The following PTPRN2 variants were observed in gnomAD, a reference collection of about 807,000 sequenced individuals.
The protein encoded by PTPRN2 is protein tyrosine phosphatase receptor type N2.
PTPRN2 carries 74 observed loss-of-function variants against 118.8 expected under a neutral mutation model. That is an observed-to-expected ratio of 0.62 (90% confidence interval 0.52 to 0.76). The LOEUF is 0.76. Ranked by LOEUF, PTPRN2 falls within the 30% of genes least tolerant of loss-of-function variation. The pLI is 0.00. For missense variants in PTPRN2, 1,481 were observed against 1,394.4 expected (o/e 1.06, Z -0.99); for synonymous variants, 641 against 608.0 (o/e 1.05, Z -0.80).
intron 3 of PTPRN2, among the ~76,000 whole-genome samples, chr7:158,255,684 G>A (rs1384830492): frequency 2.6e-5 from 4 of 152,062 alleles, no homozygotes; most frequent in East Asian, 1.9e-4. Flanking sequence ...CTCCATTCCC[G>A]CTGGGGCTGT....
chr7:158,006,552 C>A (rs1805643935), intron 11 of PTPRN2, among the ~76,000 whole-genome samples: 1 of 152,230 alleles, frequency 6.6e-6, no homozygotes, highest in African/African-American at 2.4e-5. Flanking sequence ...GCCCGGGATG[C>A]AGACACACTT....
intron 12 of PTPRN2, among the ~76,000 whole-genome samples, chr7:157,796,038 G>A (rs1301562450): frequency 2.0e-5 from 3 of 152,198 alleles, no homozygotes; most frequent in African/African-American, 7.2e-5. Context: ...AAAATGGCCC[G>A]CCCCGTGAAA....
intron 2 of PTPRN2, among the ~76,000 whole-genome samples, chr7:158,386,319 C>T (rs1302313026): frequency 1.7e-4 from 20 of 119,236 alleles, no homozygotes; most frequent in African/African-American, 4.3e-4. Context: ...TCCCTCCTCC[C>T]GTGCCGAGTC....
chr7:157,544,865 G>A (rs985305569), intron 22 of PTPRN2, among the ~76,000 whole-genome samples: 8 of 151,932 alleles, frequency 5.3e-5, no homozygotes, highest in Admixed American at 3.3e-4. Context: ...GCAGCTGTGT[G>A]TGGATGTGCA....
intron 11 of PTPRN2, among the ~76,000 whole-genome samples, chr7:158,006,991 C>T (rs1805673204): frequency 6.6e-6 from 1 of 152,160 alleles, no homozygotes; most frequent in South Asian, 2.1e-4. Context: ...TGTACTCCGT[C>T]ACAGTTCTGG....
intron 9 of PTPRN2, among the ~76,000 whole-genome samples, chr7:158,131,257 G>A (rs540392583): frequency 4.8e-5 from 7 of 146,540 alleles, no homozygotes; most frequent in East Asian, 2.1e-4. Context: ...ACATACACAC[G>A]CAAATATGCA....
intron 3 of PTPRN2, among the ~76,000 whole-genome samples, chr7:158,283,660 A>G (rs1223916673): frequency 6.6e-6 from 1 of 152,166 alleles, no homozygotes; most frequent in Non-Finnish European, 1.5e-5. Context: ...CGCCAATGGC[A>G]TAATGACCGG....
chr7:158,040,567 G>A (rs984793410), intron 11 of PTPRN2, among the ~76,000 whole-genome samples: 2 of 152,162 alleles, frequency 1.3e-5, no homozygotes, highest in Admixed American at 1.3e-4. Context: ...AGGAAGAAGC[G>A]AGTAGAGAAT....
chr7:158,540,868 G>A (rs977777643), intron 1 of PTPRN2, among the ~76,000 whole-genome samples: 7 of 152,228 alleles, frequency 4.6e-5, no homozygotes, highest in African/African-American at 1.7e-4. Context: ...CAAGGCCAAT[G>A]TGCCCCAGTG....
chr7:157,569,371 GGA>G (rs1423157177), intron 20 of PTPRN2, among the ~76,000 whole-genome samples: 4 of 152,258 alleles, frequency 2.6e-5, no homozygotes, highest in African/African-American at 7.2e-5. Flanking sequence ...CCTCCCGAGC[GGA>G]GAGGGGAGGG....
intron 2 of PTPRN2, among the ~76,000 whole-genome samples, chr7:158,440,966 G>GGTA (rs1817008797): frequency 6.9e-6 from 1 of 145,034 alleles, no homozygotes; most frequent in African/African-American, 2.8e-5. Flanking sequence ...GGGTAGTAGT[G>GGTA]GTGTTGGTGG....
chr7:158,162,803 C>T (rs986223039), intron 6 of PTPRN2, among the ~76,000 whole-genome samples: 7 of 152,310 alleles, frequency 4.6e-5, no homozygotes, highest in African/African-American at 1.7e-4. Flanking sequence ...TTGTCATATG[C>T]GTTCAGCCCG....
intron 4 of PTPRN2, among the ~76,000 whole-genome samples, chr7:158,196,997 C>T (rs149932604): frequency 4.3e-4 from 65 of 152,260 alleles, no homozygotes; most frequent in Middle Eastern, 3.4e-3. Context: ...AGTCAAGGAG[C>T]ACCTGTATAC....
chr7:158,196,866 C>T (rs1826251274), intron 4 of PTPRN2, among the ~76,000 whole-genome samples: 1 of 152,164 alleles, frequency 6.6e-6, no homozygotes. Flanking sequence ...CCTTCAAATA[C>T]AAAGGTAGAC....
intron 2 of PTPRN2, among the ~76,000 whole-genome samples, chr7:158,352,887 C>T (rs1808111141): frequency 6.6e-6 from 1 of 152,252 alleles, no homozygotes. Context: ...GCCTGTTACT[C>T]TGTTTCTGGA....
chr7:158,428,990 A>T (rs1299812333), intron 2 of PTPRN2, among the ~76,000 whole-genome samples: 1 of 152,232 alleles, frequency 6.6e-6, no homozygotes, highest in Non-Finnish European at 1.5e-5. Flanking sequence ...TGAGCCAGCT[A>T]CATCAACCTG....
At chr7:158,337,338 A>G (rs1805819922) in intron 2 of PTPRN2, among the ~76,000 whole-genome samples, 1 of 143,618 alleles carries the variant, frequency 7.0e-6, no homozygotes, top group African/African-American at 2.9e-5. Flanking sequence ...CTGTCACCCT[A>G]AGAGGTGACA....
intron 9 of PTPRN2, among the ~76,000 whole-genome samples, chr7:158,112,630 G>A (rs1199797834): frequency 6.6e-6 from 1 of 152,240 alleles, no homozygotes; most frequent in Non-Finnish European, 1.5e-5. Flanking sequence ...AGAGTCAGGA[G>A]TTTACATCCT....
At chr7:157,981,820 A>T (rs1026782437) in intron 11 of PTPRN2, among the ~76,000 whole-genome samples, 2 of 152,262 alleles carry the variant, frequency 1.3e-5, no homozygotes, top group Non-Finnish European at 2.9e-5. Context: ...GTTCCCTATC[A>T]TATCAGCCCA....
Sources: gnomAD v4.1 joint callset for allele counts (sites outside exome capture counted in the v4.1 genomes callset) on GRCh38, gnomAD v4.1.1 for gene constraint, MANE v1.5 for transcripts, NCBI Gene and HGNC (gene_info 2026-07-23, HGNC 2026-07-21) for gene names.